Variants in MARCHF1 observed in about 807,000 individuals in gnomAD.
MARCHF1 encodes E3 ubiquitin-protein ligase MARCHF1.
A neutral mutation model predicts 54.2 loss-of-function variants in MARCHF1; 40 were observed. The ratio of observed to expected loss-of-function variants is 0.74; its 90% CI spans 0.57 to 0.96. The LOEUF (loss-of-function observed/expected upper bound fraction) is 0.96, where lower values mean the gene tolerates loss of function less well. Among genes scored for constraint, MARCHF1 ranks in the 40% least tolerant of loss-of-function variants. The probability of loss-of-function intolerance (pLI) is 0.00; values close to 1 mark genes in which losing one functional copy is unlikely to be tolerated. For missense variants in MARCHF1, 586 were observed against 656.5 expected, an observed-to-expected ratio of 0.89 and a Z score of 1.17; for synonymous variants, 236 against 236.3, an observed-to-expected ratio of 1.00 and a Z score of 0.01.
At chr4:163,860,620 T>C (rs11932677) in intron 3 of MARCHF1, among the ~76,000 whole-genome samples, 15,465 of 152,174 alleles carry the variant, frequency 0.1, 836 homozygotes, top group African/African-American at 0.14. Flanking sequence ...TAAAAGACTT[T>C]GATTGAATCA....
At chr4:164,020,729 G>T (rs767602719) in intron 2 of MARCHF1, among the ~76,000 whole-genome samples, 4 of 152,130 alleles carry the variant, frequency 2.6e-5, no homozygotes, top group Non-Finnish European at 4.4e-5. Flanking sequence ...TCAGGAGTTT[G>T]AGAACAGCCC....
chr4:163,588,925 A>C (rs1740495424), intron 7 of MARCHF1, among the ~76,000 whole-genome samples: 1 of 152,194 alleles, frequency 6.6e-6, no homozygotes, highest in South Asian at 2.1e-4. Context: ...TAATAAAAAC[A>C]AATTTTACAA....
intron 3 of MARCHF1, among the ~76,000 whole-genome samples, chr4:163,871,351 T>C (rs1750164186): frequency 6.6e-6 from 1 of 152,170 alleles, no homozygotes; most frequent in Admixed American, 6.5e-5. Flanking sequence ...TAAGGTGTAA[T>C]TGGGGAAACA....
At chr4:163,884,905 A>G (rs759437882) in intron 3 of MARCHF1, among the ~76,000 whole-genome samples, 14 of 152,180 alleles carry the variant, frequency 9.2e-5, no homozygotes, top group Non-Finnish European at 1.3e-4. Flanking sequence ...AAGAAAATTT[A>G]GAGACTAAAG....
At chr4:164,267,666 G>A (rs557936215) in intron 1 of MARCHF1, among the ~76,000 whole-genome samples, 4 of 152,294 alleles carry the variant, frequency 2.6e-5, no homozygotes, top group East Asian at 3.9e-4. Flanking sequence ...AAGTAAGAGA[G>A]CAGGAGGAAA....
At chr4:164,102,593 T>C (rs1198201988) in intron 2 of MARCHF1, among the ~76,000 whole-genome samples, 1 of 150,640 alleles carries the variant, frequency 6.6e-6, no homozygotes, top group African/African-American at 2.4e-5. Flanking sequence ...CAGGCCTGCC[T>C]TACAAGAGCT....
At chr4:163,834,215 G>T (rs1419274630) in intron 4 of MARCHF1, among the ~76,000 whole-genome samples, 1 of 151,812 alleles carries the variant, frequency 6.6e-6, no homozygotes, top group Non-Finnish European at 1.5e-5. Context: ...CTTGTTTTGT[G>T]GTACTTTGAA....
chr4:164,173,070 T>G (rs34798334), intron 1 of MARCHF1, among the ~76,000 whole-genome samples: 27,860 of 151,934 alleles, frequency 0.18, 4,046 homozygotes, highest in African/African-American at 0.39. Flanking sequence ...AAACTACAAT[T>G]TGCAAGTTTT....
At chr4:164,041,546 CAT>C (rs1280011239) in intron 2 of MARCHF1, among the ~76,000 whole-genome samples, 3 of 152,132 alleles carry the variant, frequency 2.0e-5, no homozygotes, top group Non-Finnish European at 2.9e-5. Context: ...CAAATTAGTA[CAT>C]GTCTTATAAC....
intron 4 of MARCHF1, among the ~76,000 whole-genome samples, chr4:163,701,107 A>C (rs1435021623): frequency 6.6e-6 from 1 of 152,216 alleles, no homozygotes; most frequent in Non-Finnish European, 1.5e-5. Flanking sequence ...TCAGGTTACA[A>C]GTATTTGTTT....
chr4:163,705,230 T>C (rs911895343), intron 4 of MARCHF1, among the ~76,000 whole-genome samples: 1 of 151,760 alleles, frequency 6.6e-6, no homozygotes, highest in Non-Finnish European at 1.5e-5. Flanking sequence ...ATATTACGTA[T>C]ACTATTATTG....
At chr4:163,539,665 C>T (rs1328109237) in intron 9 of MARCHF1, among the ~76,000 whole-genome samples, 2 of 152,174 alleles carry the variant, frequency 1.3e-5, no homozygotes, top group African/African-American at 4.8e-5. Context: ...AGTTGTCAGC[C>T]AGGCCACTGG....
chr4:164,357,225 T>C (rs1730583636), intron 1 of MARCHF1, among the ~76,000 whole-genome samples: 2 of 152,138 alleles, frequency 1.3e-5, no homozygotes, highest in Admixed American at 1.3e-4. Flanking sequence ...AAGTTAAACA[T>C]GACCAGGGCT....
intron 5 of MARCHF1, among the ~76,000 whole-genome samples, chr4:163,632,382 G>A (rs112418800): frequency 0.022 from 3,394 of 152,244 alleles, 114 homozygotes; most frequent in African/African-American, 0.076. Context: ...CAGGTCAGTG[G>A]GTGCATGCAC....
chr4:164,370,036 C>T (rs953370942), intron 1 of MARCHF1, among the ~76,000 whole-genome samples: 7 of 152,130 alleles, frequency 4.6e-5, no homozygotes, highest in South Asian at 2.1e-4. Flanking sequence ...TCACAGAAGA[C>T]GTTAATTATA....
At chr4:163,652,352 G>A (rs929748384) in intron 5 of MARCHF1, among the ~76,000 whole-genome samples, 11 of 151,732 alleles carry the variant, frequency 7.2e-5, no homozygotes, top group African/African-American at 2.2e-4. Flanking sequence ...CATGAGATAC[G>A]TCTTTGTGAT....
At chr4:163,888,272 T>A (rs943890752) in intron 3 of MARCHF1, among the ~76,000 whole-genome samples, 2 of 152,070 alleles carry the variant, frequency 1.3e-5, no homozygotes, top group South Asian at 4.1e-4. Flanking sequence ...CCTGACTACA[T>A]AAGTGAATAT....
rs113901458 is a variant in MARCHF1 at position 163,620,869 on chromosome 4, C to T, written c.163-7476G>A. On this transcript the variant is annotated intron_variant, in intron 5 of 9. Coordinates refer to ENST00000514618, the MANE Select transcript of MARCHF1 (RefSeq NM_001394959.1). ...CCTTTATTTCTCAGGCTGTATATTT[C>T]GTAATGTTTAAAATCTCTAATTTAA... 4.5e-4 allele frequency among the ~76,000 whole-genome samples: 69 copies of T among 152,098 alleles called. 1 individual carries two copies. Among genetic ancestry groups the T allele is most frequent in the African/African-American group, 1.4e-3 (59 of 41,494 alleles).
chr4:163,680,938 A>T (rs920222054), intron 5 of MARCHF1, among the ~76,000 whole-genome samples: 2 of 151,348 alleles, frequency 1.3e-5, no homozygotes, highest in Admixed American at 6.6e-5. Context: ...TGTGTCTAAT[A>T]CATACATACA....
Sources: gnomAD v4.1 joint callset for allele counts (sites outside exome capture counted in the v4.1 genomes callset) on GRCh38, gnomAD v4.1.1 for gene constraint, MANE v1.5 for transcripts, NCBI Gene and HGNC (gene_info 2026-07-23, HGNC 2026-07-21) for gene names.